The following GTF2F2 variants were observed in gnomAD, a reference collection of about 807,000 sequenced individuals.
GTF2F2 encodes general transcription factor IIF subunit 2.
Under a neutral mutation model 42.2 loss-of-function variants are expected in GTF2F2, and 23 were observed. The ratio of observed to expected loss-of-function variants is 0.55; its 90% CI spans 0.39 to 0.77. The LOEUF (loss-of-function observed/expected upper bound fraction) is 0.77, where lower values mean the gene tolerates loss of function less well. GTF2F2 is among the 30% of genes least tolerant of loss of function. The probability of loss-of-function intolerance (pLI) is 0.00; values close to 1 mark genes in which losing one functional copy is unlikely to be tolerated. For synonymous variants in GTF2F2, 105 were observed against 100.8 expected (o/e 1.04, Z -0.25); for missense variants, 261 against 287.2 (o/e 0.91, Z 0.66).
rs778217326 is a variant in GTF2F2 at position 45,149,782 on chromosome 13, G to A, written c.153G>A (p.Arg51=). The change falls in exon 3 of 8, where the codon AGG becomes AGA. Residue 51 remains arginine, a synonymous_variant. Transcript: ENST00000340473. ...GKLRIAKTQG[R]TEVSFTLNED... is the part of the protein sequence containing the mutation. Reference sequence around the variant, plus strand: ...TCCTCTCCTTTAGGACTCAAGGAAGGACTGAGGTAAGATTATTTATATGGA... The same window carrying A: ...TCCTCTCCTTTAGGACTCAAGGAAGAACTGAGGTAAGATTATTTATATGGA... 6.0e-6 allele frequency: 9 copies of A among 1,505,042 alleles called. No individual in the cohort carries two copies. Among genetic ancestry groups the A allele is most frequent in the Non-Finnish European group, 8.0e-6 (9 of 1,119,244 alleles). The allele number at this position is 1,505,042 out of a possible 1,614,324, so 93.2% of individuals were successfully genotyped here. A position where few individuals can be genotyped will look rare whatever the true frequency, so the allele number is the denominator to read the frequency against.
intron 4 of GTF2F2, among the ~76,000 whole-genome samples, chr13:45,199,917 G>A (rs1873092014): frequency 6.6e-6 from 1 of 152,210 alleles, no homozygotes. Flanking sequence ...GATCTGAACA[G>A]GAGAACAGGA....
chr13:45,241,388 T>C (rs1875298386), intron 5 of GTF2F2, among the ~76,000 whole-genome samples: 1 of 152,056 alleles, frequency 6.6e-6, no homozygotes, highest in African/African-American at 2.4e-5. Context: ...CAGGCCCCTG[T>C]AGACATTTGA....
intron 5 of GTF2F2, among the ~76,000 whole-genome samples, chr13:45,228,354 T>C (rs1874478583): frequency 6.9e-6 from 1 of 144,266 alleles, no homozygotes; most frequent in Non-Finnish European, 1.5e-5. Flanking sequence ...TTATAGGAAT[T>C]ACCAATGAGG....
intron 4 of GTF2F2, among the ~76,000 whole-genome samples, chr13:45,197,999 T>C (rs1403443234): frequency 1.3e-5 from 2 of 152,252 alleles, no homozygotes; most frequent in Non-Finnish European, 1.5e-5. Context: ...ATTTGAAAGA[T>C]TGGGGTCCTG....
intron 4 of GTF2F2, 80 bp downstream of exon 4, chr13:45,151,911 CTTTTTTTTTT>C: frequency 7.1e-6 from 1 of 141,642 alleles, no homozygotes; most frequent in Non-Finnish European, 1.3e-5. Context: ...CTCCTATTTG[CTTTTTTTTTT>C]TTTTTTTTTT....
At chr13:45,270,071 ATCTAC>A (rs1228494387) in intron 7 of GTF2F2, among the ~76,000 whole-genome samples, 1 of 152,152 alleles carries the variant, frequency 6.6e-6, no homozygotes, top group Non-Finnish European at 1.5e-5. Context: ...ACCTCAGGTG[ATCTAC>A]ATGCCTCAGC....
At chr13:45,281,382 T>G (rs1330845900) in intron 7 of GTF2F2, among the ~76,000 whole-genome samples, 1 of 152,224 alleles carries the variant, frequency 6.6e-6, no homozygotes, top group Non-Finnish European at 1.5e-5. Context: ...AAAAGGACTT[T>G]ATGAACTCTA....
intron 4 of GTF2F2, among the ~76,000 whole-genome samples, chr13:45,177,201 T>C (rs1423032789): frequency 6.6e-6 from 1 of 152,176 alleles, no homozygotes; most frequent in Admixed American, 6.5e-5. Flanking sequence ...CTCACTGTTC[T>C]ACAATACCAG....
chr13:45,230,593 A>C (rs1246548109), intron 5 of GTF2F2, among the ~76,000 whole-genome samples: 1 of 152,190 alleles, frequency 6.6e-6, no homozygotes, highest in African/African-American at 2.4e-5. Context: ...GTCTTTTTTT[A>C]AAATAGTCTG....
intron 7 of GTF2F2, among the ~76,000 whole-genome samples, chr13:45,276,903 G>A (rs1261012563): frequency 6.6e-6 from 1 of 152,190 alleles, no homozygotes; most frequent in Non-Finnish European, 1.5e-5. Context: ...AAATATTAAC[G>A]CAATAATTGC....
chr13:45,172,043 A>G (rs1420699286), intron 4 of GTF2F2, among the ~76,000 whole-genome samples: 1 of 152,134 alleles, frequency 6.6e-6, no homozygotes, highest in Non-Finnish European at 1.5e-5. Context: ...GCTATTGTGA[A>G]TGATGCTGCT....
chr13:45,213,235 C>A (rs531289957), intron 5 of GTF2F2, among the ~76,000 whole-genome samples: 3 of 151,480 alleles, frequency 2.0e-5, no homozygotes, highest in Admixed American at 6.6e-5. Flanking sequence ...CCCGCCACCA[C>A]GCCCGGCTAA....
chr13:45,229,450 G>A (rs1327025125), intron 5 of GTF2F2, among the ~76,000 whole-genome samples: 2 of 152,064 alleles, frequency 1.3e-5, no homozygotes, highest in Admixed American at 6.6e-5. Context: ...CCTACACACT[G>A]TGATTATACT....
intron 5 of GTF2F2, 117 bp downstream of exon 5, chr13:45,207,622 C>T (rs543544075): frequency 1.6e-6 from 1 of 633,038 alleles, no homozygotes; most frequent in East Asian, 2.8e-5. Context: ...GTGTTTGCTT[C>T]AAAAGCTGTT....
chr13:45,237,046 T>C (rs961852495), intron 5 of GTF2F2, among the ~76,000 whole-genome samples: 3 of 152,180 alleles, frequency 2.0e-5, no homozygotes, highest in Non-Finnish European at 4.4e-5. Flanking sequence ...TGGTTGAAAG[T>C]CATATGACGA....
In GTF2F2 at chr13:45,267,359, A is replaced by G. The variant is rs1876607618; in HGVS notation, c.613A>G (p.Ile205Val). Reference sequence around the variant, plus strand: ...CTATAATCTTAAGGACTTGGTGGACATCACAAAGCAACCTGTGGTATGTAT... The same window carrying G: ...CTATAATCTTAAGGACTTGGTGGACGTCACAAAGCAACCTGTGGTATGTAT... ...QYYNLKDLVD[I>V]TKQPVVYLKE... Residue 205 changes from isoleucine (I) to valine (V), a missense_variant, in exon 7 of 8, where the codon ATC becomes GTC. By Grantham distance (29) the Ile-to-Val change is conservative (BLOSUM62 3). Coordinates refer to ENST00000340473, the MANE Select transcript of GTF2F2 (RefSeq NM_004128.3). 6.2e-7 allele frequency: 1 copy of G among 1,608,200 alleles called. No homozygotes were observed. Among genetic ancestry groups the G allele is most frequent in the South Asian group, 1.1e-5 (1 of 90,452 alleles).
intron 2 of GTF2F2, among the ~76,000 whole-genome samples, chr13:45,145,058 T>C (rs530350180): frequency 6.6e-6 from 1 of 152,150 alleles, no homozygotes; most frequent in Admixed American, 6.5e-5. Context: ...TCTAGAGAGA[T>C]AGACAAATGA....
At chr13:45,130,609 T>A (rs1387269363) in intron 1 of GTF2F2, among the ~76,000 whole-genome samples, 1 of 152,132 alleles carries the variant, frequency 6.6e-6, no homozygotes, top group Non-Finnish European at 1.5e-5. Flanking sequence ...TGGAGTTGGA[T>A]ATAATCTGAA....
chr13:45,150,993 T>C (rs1384560885), intron 3 of GTF2F2, among the ~76,000 whole-genome samples: 1 of 152,170 alleles, frequency 6.6e-6, no homozygotes, highest in Non-Finnish European at 1.5e-5. Flanking sequence ...ATTTTTATTT[T>C]ATTTCAGGGG....
Sources: allele counts gnomAD v4.1 joint callset (sites outside exome capture counted in the v4.1 genomes callset), GRCh38; gene constraint gnomAD v4.1.1; transcripts MANE v1.5; gene names NCBI Gene and HGNC (gene_info 2026-07-23, HGNC 2026-07-21).